GNMT: variants seen among roughly 807,000 people sequenced by gnomAD.
GNMT encodes epididymis secretory sperm binding protein Li 182mP.
Under a neutral mutation model 30.2 loss-of-function variants are expected in GNMT, and 26 were observed. That is an observed-to-expected ratio of 0.86 (90% CI 0.63 to 1.19). The LOEUF is 1.19. Ranked by LOEUF, GNMT falls within the 50% of genes most tolerant of loss-of-function variation. The probability of loss-of-function intolerance (pLI) is 0.00; values close to 1 mark genes in which losing one functional copy is unlikely to be tolerated. For synonymous variants in GNMT, 163 were observed against 163.8 expected, an observed-to-expected ratio of 1.00 and a Z score of 0.04; for missense variants, 365 against 398.1, an observed-to-expected ratio of 0.92 and a Z score of 0.71.
Position 42,962,359 on chromosome 6 carries a change from C to A in GNMT, c.334+20C>A, listed in dbSNP as rs1377456687. ...AGTGGGGTATGCAGGTCTAGCCAGG[C>A]TCCCCCAGCCCAGTCACCAGGAACA... On this transcript the variant is annotated intron_variant, in intron 2 of 5. Transcript: ENST00000372808. The A allele has an allele frequency of 6.2e-7, 1 of 1,613,580 alleles. No individual in the cohort carries two copies. Among genetic ancestry groups the A allele is most frequent in the Non-Finnish European group, 8.5e-7 (1 of 1,179,776 alleles).
At chr6:42,962,723 C>A in intron 2 of GNMT, 39 bp from the exon 3 acceptor site, 2 of 1,408,436 alleles carry the variant, frequency 1.4e-6, no homozygotes, top group Non-Finnish European at 2.0e-6. Flanking sequence ...CTGGTACCAT[C>A]GTGCCTCCCT....
intron 1 of GNMT, 98 bp downstream of exon 1, chr6:42,961,071 C>A: frequency 9.5e-7 from 1 of 1,047,622 alleles, no homozygotes; most frequent in Non-Finnish European, 1.3e-6. Flanking sequence ...CACGTCAGGG[C>A]GGCCTTTGCC....
intron 2 of GNMT, 34 bp from the exon 3 acceptor site, chr6:42,962,728 C>A: frequency 6.8e-7 from 1 of 1,467,206 alleles, no homozygotes; most frequent in Non-Finnish European, 9.6e-7. Context: ...ACCATCGTGC[C>A]TCCCTGATTC....
Position 42,963,115 on chromosome 6 carries a change from C to T in GNMT, c.495C>T (p.Ser165=), listed in dbSNP as rs2114230613. 6.2e-7 allele frequency: 1 copy of T among 1,612,750 alleles called. No homozygotes were observed. The highest frequency in any genetic ancestry group is 1.3e-5 in the African/African-American group (1 of 74,878). ...GGCTGGCGCTGAAAAACATTGCGAG[C>T]ATGGTGCGGGCAGGGGGCCTACTGG... ...EHRLALKNIA[S]MVRAGGLLVI... Residue 165 remains serine, a synonymous_variant, in exon 4 of 6, where the codon AGC becomes AGT. Transcript: ENST00000372808.
In GNMT at chr6:42,960,945, C is replaced by G; in HGVS notation, c.178C>G (p.Arg60Gly). 1 of 1,563,550 alleles carries G rather than the reference C, an allele frequency of 6.4e-7. No homozygotes were observed. The highest frequency in any genetic ancestry group is 8.6e-7 in the Non-Finnish European group (1 of 1,160,422). ...GCTGCTGCGCCAGCACGGCTGCCAG[C>G]GGGTGCTCGACGTAGCCTGTGGCAC... ...LGLLRQHGCQ[R>G]VLDVACGTGV... Residue 60 changes from arginine to glycine, a missense_variant, in exon 1 of 6, where the codon CGG (arginine) becomes GGG (glycine). By Grantham distance (125) the Arg-to-Gly change is moderately radical. Around this residue, in one of 3 missense-constraint regions of GNMT, gnomAD observed 125 missense variants for 112.0 expected, o/e 1.12. Coordinates refer to ENST00000372808, the MANE Select transcript of GNMT (RefSeq NM_018960.6).
chr6:42,961,257 C>T (rs1414725234), intron 1 of GNMT, among the ~76,000 whole-genome samples: 1 of 152,174 alleles, frequency 6.6e-6, no homozygotes, highest in African/African-American at 2.4e-5. Context: ...GTCCCTGAGG[C>T]TTTGGAGCCA....
chr6:42,962,741 C>A, intron 2 of GNMT, 21 bp from the exon 3 acceptor site: 1 of 1,562,310 alleles, frequency 6.4e-7, no homozygotes, highest in Non-Finnish European at 8.8e-7. Flanking sequence ...CCTGATTCCT[C>A]TTTCTCTTCC....
Position 42,960,824 on chromosome 6 carries a change from G to A in GNMT, c.57G>A (p.Pro19=), listed in dbSNP as rs1218394683. ...RSLGVAAEGL[P]DQYADGEAAR... ...TGGGGGTGGCGGCCGAAGGGCTCCC[G>A]GACCAGTACGCGGACGGGGAGGCGG... Residue 19 remains proline, a synonymous_variant, in exon 1 of 6, where the codon CCG becomes CCA. Transcript: ENST00000372808. 6.4e-7 allele frequency: 1 copy of A among 1,558,940 alleles called. No homozygotes were observed. Among genetic ancestry groups the A allele is most frequent in the Admixed American group, 1.9e-5 (1 of 52,552 alleles).
At position 42,963,089 on chromosome 6, in the gene GNMT, C is replaced by G; in HGVS notation, c.469C>G (p.Arg157Gly). 6.2e-7 allele frequency: 1 copy of G among 1,612,262 alleles called. No homozygotes were observed. The highest frequency in any genetic ancestry group is 8.5e-7 in the Non-Finnish European group (1 of 1,179,988). The change falls in exon 4 of 6, where the codon CGG becomes GGG. Residue 157 changes from arginine to glycine, a missense_variant. Physicochemically the swap from Arg to Gly is moderately radical, Grantham distance 125 (BLOSUM62 -2). Around this residue, in one of 3 missense-constraint regions of GNMT, gnomAD observed 232 missense variants for 263.0 expected, o/e 0.88. Transcript: ENST00000372808. ...GAGCTCAGGGGACCAGAGTGAGCAC[C>G]GGCTGGCGCTGAAAAACATTGCGAG... is the stretch of plus-strand genomic sequence containing the variant. ...PDCKGDQSEH[R>G]LALKNIASMV...
chr6:42,960,900 T>A lies in GNMT; in HGVS notation c.133T>A (p.Tyr45Asn). The part of the protein sequence containing the change: ...IGDTRSRTAE[Y>N]KAWLLGLLRQ... ...AGACACCCGCAGCCGCACCGCCGAG[T>A]ACAAGGCATGGCTGCTTGGGCTGCT... The change falls in exon 1 of 6, where the codon TAC becomes AAC. Residue 45 changes from tyrosine to asparagine, a missense_variant. This residue lies in a region of GNMT where 125 missense variants were observed against 112.0 expected (regional missense o/e 1.12). Transcript: ENST00000372808. 6.4e-7 allele frequency: 1 copy of A among 1,560,344 alleles called. No homozygotes were observed. The highest frequency in any genetic ancestry group is 8.6e-7 in the Non-Finnish European group (1 of 1,156,586).
Position 42,960,868 on chromosome 6 carries a change from A to C in GNMT, c.101A>C (p.Tyr34Ser). The C allele has an allele frequency of 1.3e-6, 2 of 1,555,674 alleles. No homozygotes were observed. The highest frequency in any genetic ancestry group is 4.8e-5 in the East Asian group (2 of 41,640). The change falls in exon 1 of 6, where the codon TAT becomes TCT. Residue 34 changes from tyrosine to serine, a missense_variant. Tyr to Ser is a moderately radical substitution (Grantham distance 144). Transcript: ENST00000372808. ...DGEAARVWQL[Y>S]IGDTRSRTAE... is the part of the protein sequence containing the mutation. Reference sequence around the variant, plus strand: ...GAGGCGGCGCGCGTGTGGCAGCTGTATATCGGAGACACCCGCAGCCGCACC... The same window carrying C: ...GAGGCGGCGCGCGTGTGGCAGCTGTCTATCGGAGACACCCGCAGCCGCACC...
intron 1 of GNMT, among the ~76,000 whole-genome samples, chr6:42,961,433 T>C (rs1204386819): frequency 6.6e-6 from 1 of 152,100 alleles, no homozygotes; most frequent in African/African-American, 2.4e-5. Flanking sequence ...TGATATTCTC[T>C]CATTTACTAC....
Position 42,962,303 on chromosome 6 carries a change from T to A in GNMT, c.298T>A (p.Trp100Arg). The change falls in exon 2 of 6, where the codon TGG (tryptophan) becomes AGG (arginine). Residue 100 changes from tryptophan to arginine, a missense_variant. Trp to Arg is a moderately radical substitution (Grantham distance 101, BLOSUM62 -3). Transcript: ENST00000372808. ...GCTGAAGTATGCACTTAAGGAGCGC[T>A]GGAACCGGCGGCACGAGCCCGCCTT... ...KMLKYALKERWNRRHEPAFDK... is the reference protein window; with the variant it reads ...KMLKYALKERRNRRHEPAFDK... 6.2e-7 allele frequency: 1 copy of A among 1,614,128 alleles called. No homozygotes were observed. Among genetic ancestry groups the A allele is most frequent in the African/African-American group, 1.3e-5 (1 of 75,042 alleles).
In GNMT at chr6:42,963,695, A is replaced by G; in HGVS notation, c.877A>G (p.Arg293Gly). 1 of 1,614,106 alleles carries G rather than the reference A, an allele frequency of 6.2e-7. No homozygotes were observed. Among genetic ancestry groups the G allele is most frequent in the South Asian group, 1.1e-5 (1 of 91,084 alleles). Reference protein sequence around the residue: ...IPCYFIHVLKRTD With the variant: ...IPCYFIHVLKGTD ...CTGCTACTTCATCCACGTGCTCAAG[A>G]GGACAGACTGAGTGTGGCCTCAGCT... is the stretch of plus-strand genomic sequence containing the variant. The change falls in exon 6 of 6, where the codon AGG becomes GGG. Residue 293 changes from arginine to glycine, a missense_variant. By Grantham distance (125) the Arg-to-Gly change is moderately radical. Transcript: ENST00000372808.
chr6:42,961,029 G>A, intron 1 of GNMT, 56 bp downstream of exon 1: 2 of 1,377,222 alleles, frequency 1.5e-6, no homozygotes, highest in South Asian at 1.3e-5. Context: ...GTCTCAGCCT[G>A]TACTGCGCGG....
At chr6:42,962,146 C>T in intron 1 of GNMT, 66 bp from the exon 2 acceptor site, 1 of 1,589,510 alleles carries the variant, frequency 6.3e-7, no homozygotes, top group Non-Finnish European at 8.6e-7. Flanking sequence ...AGTGCAGGGT[C>T]TCCTCCTGGC....
In GNMT at chr6:42,960,965, TGGCACTG is replaced by T; in HGVS notation, c.201_206+1del. 1 of 1,556,288 alleles carries T rather than the reference TGGCACTG, an allele frequency of 6.4e-7. No individual in the cohort carries two copies. The highest frequency in any genetic ancestry group is 8.6e-7 in the Non-Finnish European group (1 of 1,156,850). ...GCCAGCGGGTGCTCGACGTAGCCTG[TGGCACTG>T]GGTGAGCCCAGGCCGGGGCCGGGGG... On this transcript the variant is annotated frameshift_variant and splice_region_variant, in exon 1 of 6. Transcript: ENST00000372808. LOFTEE classifies it high-confidence loss of function.
intron 2 of GNMT, among the ~76,000 whole-genome samples, 162 bp from the exon 3 acceptor site, chr6:42,962,600 C>G (rs1240017621): frequency 3.9e-5 from 6 of 152,192 alleles, no homozygotes; most frequent in Non-Finnish European, 8.8e-5. Context: ...TCCTTCCCAA[C>G]CAGGGTTCCT....
chr6:42,961,906 T>C (rs1389571672), intron 1 of GNMT, among the ~76,000 whole-genome samples: 1 of 152,150 alleles, frequency 6.6e-6, no homozygotes, highest in Non-Finnish European at 1.5e-5. Context: ...ACACGTATTT[T>C]AACTTCAAGG....
Sources: allele counts gnomAD v4.1 joint callset (sites outside exome capture counted in the v4.1 genomes callset), GRCh38; gene constraint gnomAD v4.1.1; regional missense constraint gnomAD v4.1.1; transcripts MANE v1.5; gene names NCBI Gene and HGNC (gene_info 2026-07-23, HGNC 2026-07-21).